The following KCNIP4 variants were observed in gnomAD, a reference collection of about 807,000 sequenced individuals.
KCNIP4 encodes the protein Kv channel-interacting protein 4.
A neutral mutation model predicts 34.0 loss-of-function variants in KCNIP4; 12 were observed. The observed-to-expected ratio is 0.35, with a 90% CI of 0.23 to 0.57. The LOEUF is 0.57. Ranked by LOEUF, KCNIP4 falls within the 20% of genes least tolerant of loss-of-function variation. The pLI is 0.83. For synonymous variants in KCNIP4, 124 were observed against 102.2 expected (o/e 1.21, Z -1.29); for missense variants, 238 against 311.7 (o/e 0.76, Z 1.78).
intron 1 of KCNIP4, among the ~76,000 whole-genome samples, chr4:21,678,273 A>G (rs1577825799): frequency 6.9e-6 from 1 of 145,516 alleles, no homozygotes; most frequent in South Asian, 2.3e-4. Context: ...TCAGTTTTAT[A>G]TAATTTCCAA....
At chr4:21,729,780 GT>G (rs1384253910) in intron 1 of KCNIP4, 4 of 152,162 alleles carry the variant, frequency 2.6e-5, no homozygotes, top group African/African-American at 9.6e-5. Flanking sequence ...CACACACTAA[GT>G]TTTCTAATTT....
At chr4:21,207,702 C>CGAAA (rs934663778) in intron 1 of KCNIP4, among the ~76,000 whole-genome samples, 2 of 152,106 alleles carry the variant, frequency 1.3e-5, no homozygotes, top group Non-Finnish European at 2.9e-5. Flanking sequence ...GCAAGGCTTT[C>CGAAA]CTAAAGCAAT....
At chr4:20,755,363 T>C (rs1754307221) in intron 4 of KCNIP4, among the ~76,000 whole-genome samples, 1 of 152,260 alleles carries the variant, frequency 6.6e-6, no homozygotes, top group Non-Finnish European at 1.5e-5. Context: ...AAACAACTAA[T>C]ACTTAAGTGC....
intron 1 of KCNIP4, among the ~76,000 whole-genome samples, chr4:21,042,610 C>T (rs1399522875): frequency 1.3e-5 from 2 of 152,076 alleles, no homozygotes; most frequent in Non-Finnish European, 2.9e-5. Context: ...AAGTTCTGGT[C>T]GTCTATTGCA....
intron 3 of KCNIP4, among the ~76,000 whole-genome samples, chr4:20,809,437 G>A (rs986606569): frequency 2.0e-5 from 3 of 152,126 alleles, no homozygotes; most frequent in Non-Finnish European, 4.4e-5. Flanking sequence ...CATAACACAC[G>A]ATATAAAGTG....
chr4:20,889,468 T>C (rs771004259), intron 1 of KCNIP4, among the ~76,000 whole-genome samples: 1 of 152,160 alleles, frequency 6.6e-6, no homozygotes, highest in Non-Finnish European at 1.5e-5. Flanking sequence ...AAATGTAAGA[T>C]GATTTTTAAA....
rs75792521 is a variant in KCNIP4, at chr4:20,821,191, G to C, written c.288+29352C>G. ...CAACCCCCACTCAGTATGTCAAGAA[G>C]GCAGGACATGGAGTCAAAGAAGATT... On this transcript the variant is annotated intron_variant, in intron 3 of 8. Coordinates refer to ENST00000382152, the MANE Select transcript of KCNIP4 (RefSeq NM_025221.6). 1.0e-3 allele frequency among the ~76,000 whole-genome samples: 155 copies of C among 152,316 alleles called. 3 individuals are homozygous for C. The East Asian group carries it at 0.028, about 28-fold the overall frequency.
At chr4:21,655,233 C>A (rs914191923) in intron 1 of KCNIP4, among the ~76,000 whole-genome samples, 1 of 151,960 alleles carries the variant, frequency 6.6e-6, no homozygotes, top group East Asian at 1.9e-4. Context: ...TTATTTTAAG[C>A]CCTAGAAGTG....
chr4:20,730,284 A>ATT (rs1747706947), intron 8 of KCNIP4, among the ~76,000 whole-genome samples, 155 bp from the exon 9 acceptor site: 1 of 152,218 alleles, frequency 6.6e-6, no homozygotes, highest in Non-Finnish European at 1.5e-5. Context: ...ATGCCATTCT[A>ATT]TTCTATCCAT....
chr4:21,203,851 G>A (rs572265157), intron 1 of KCNIP4, among the ~76,000 whole-genome samples: 1 of 152,296 alleles, frequency 6.6e-6, no homozygotes, highest in South Asian at 2.1e-4. Flanking sequence ...TACATTTGCT[G>A]ATTAAATACA....
intron 1 of KCNIP4, among the ~76,000 whole-genome samples, chr4:21,119,854 G>C (rs751749269): frequency 1.3e-5 from 2 of 152,172 alleles, no homozygotes; most frequent in South Asian, 2.1e-4. Context: ...AAAGGTGCTA[G>C]AGTTGTGTGT....
At chr4:20,855,411 C>T (rs189603573) in intron 2 of KCNIP4, among the ~76,000 whole-genome samples, 4 of 152,248 alleles carry the variant, frequency 2.6e-5, no homozygotes, top group Non-Finnish European at 5.9e-5. Flanking sequence ...CTAAGGATAA[C>T]AGTCAGCTCC....
chr4:20,951,090 C>T (rs956279272), intron 1 of KCNIP4, among the ~76,000 whole-genome samples: 10 of 152,062 alleles, frequency 6.6e-5, no homozygotes, highest in Non-Finnish European at 8.8e-5. Context: ...TAAGAAGACA[C>T]GTCAGAGTGC....
chr4:21,669,214 C>T (rs1749272725), intron 1 of KCNIP4, among the ~76,000 whole-genome samples: 1 of 151,872 alleles, frequency 6.6e-6, no homozygotes, highest in Non-Finnish European at 1.5e-5. Flanking sequence ...CAGCCTCGAC[C>T]TCCCGAGCTC....
chr4:20,944,088 G>A (rs1005953030), intron 1 of KCNIP4, among the ~76,000 whole-genome samples: 3 of 152,154 alleles, frequency 2.0e-5, no homozygotes, highest in Non-Finnish European at 2.9e-5. Context: ...CTAGTTCATT[G>A]GGTGATTATG....
chr4:21,685,278 T>C (rs754955122), intron 1 of KCNIP4, among the ~76,000 whole-genome samples: 1 of 152,244 alleles, frequency 6.6e-6, no homozygotes, highest in Non-Finnish European at 1.5e-5. Flanking sequence ...GCTGTTTGAA[T>C]GAGTACTGAT....
At chr4:20,839,323 G>A (rs2149468937) in intron 3 of KCNIP4, among the ~76,000 whole-genome samples, 1 of 151,886 alleles carries the variant, frequency 6.6e-6, no homozygotes, top group African/African-American at 2.4e-5. Flanking sequence ...TAGAGATATA[G>A]ATCTATAGAT....
chr4:21,336,715 G>A (rs2109336927), intron 1 of KCNIP4, among the ~76,000 whole-genome samples: 1 of 152,120 alleles, frequency 6.6e-6, no homozygotes, highest in Middle Eastern at 3.4e-3. Context: ...GTGAAAACCT[G>A]AGCAAGTTGT....
rs1001699316 is a variant in KCNIP4, at chr4:21,103,823, G to C, written c.62-221114C>G. 4.8e-5 allele frequency among the ~76,000 whole-genome samples: 7 copies of C among 147,344 alleles called. No individual in the cohort carries two copies. The East Asian group carries it at 1.4e-3, about 30-fold the overall frequency. On this transcript the variant is annotated intron_variant, in intron 1 of 8. Coordinates refer to ENST00000382152, the MANE Select transcript of KCNIP4 (RefSeq NM_025221.6). Reference sequence around the variant, plus strand: ...TTGTTCAATTCCCACCTATGAGTGAGAACATGCGGTGTTTGGTTTTTTGTC... The same window carrying C: ...TTGTTCAATTCCCACCTATGAGTGACAACATGCGGTGTTTGGTTTTTTGTC...
Sources: gnomAD v4.1 joint callset for allele counts (sites outside exome capture counted in the v4.1 genomes callset) on GRCh38, gnomAD v4.1.1 for gene constraint, MANE v1.5 for transcripts, NCBI Gene and HGNC (gene_info 2026-07-23, HGNC 2026-07-21) for gene names.